Variants in TBC1D5 observed in about 807,000 individuals in gnomAD.
TBC1D5 encodes TBC1 domain family, member 5.
In TBC1D5, 75 loss-of-function variants were observed where a neutral mutation model predicts 100.3. The ratio of observed to expected loss-of-function variants is 0.75; its 90% confidence interval spans 0.62 to 0.91. The LOEUF is 0.91. Among genes scored for constraint, TBC1D5 ranks in the 40% least tolerant of loss-of-function variants. TBC1D5 has a pLI of 0.00. For synonymous variants in TBC1D5, 323 were observed against 325.6 expected, an observed-to-expected ratio of 0.99 and a Z score of 0.09; for missense variants, 910 against 942.4, an observed-to-expected ratio of 0.97 and a Z score of 0.45.
At chr3:17,320,588 C>G (rs1255528459) in intron 13 of TBC1D5, among the ~76,000 whole-genome samples, 1 of 152,174 alleles carries the variant, frequency 6.6e-6, no homozygotes. Context: ...TTTACCAAAA[C>G]TTTTCTTCAT....
chr3:17,480,953 T>C (rs965082932), intron 3 of TBC1D5, among the ~76,000 whole-genome samples: 10 of 152,196 alleles, frequency 6.6e-5, no homozygotes, highest in Non-Finnish European at 1.3e-4. Flanking sequence ...ACAAATGGCT[T>C]GAAACATGCT....
At chr3:17,643,733 T>C (rs541813568) in intron 1 of TBC1D5, among the ~76,000 whole-genome samples, 1 of 152,258 alleles carries the variant, frequency 6.6e-6, no homozygotes, top group Non-Finnish European at 1.5e-5. Context: ...TGTCTAGCAG[T>C]TCCTTTTGGA....
Position 17,408,542 on chromosome 3 carries a change from T to A in TBC1D5, c.168-2016A>T, listed in dbSNP as rs561405529. On this transcript the variant is annotated intron_variant, in intron 4 of 21. Transcript: ENST00000253692. ...TATTCCTATGTTGCCCAGATTGGTCTACAAAGGGCCTCAGTTGATTCTCCC... is the reference window on the plus strand; with the variant it reads ...TATTCCTATGTTGCCCAGATTGGTCAACAAAGGGCCTCAGTTGATTCTCCC... 4.6e-5 allele frequency among the ~76,000 whole-genome samples: 7 copies of A among 152,180 alleles called. No homozygotes were observed. In the East Asian group the frequency reaches 1.4e-3, roughly 29 times the overall value.
intron 2 of TBC1D5, among the ~76,000 whole-genome samples, chr3:17,517,677 T>C (rs944452326): frequency 6.6e-6 from 1 of 152,208 alleles, no homozygotes; most frequent in African/African-American, 2.4e-5. Context: ...TGGTTTATAT[T>C]TGACATAAAG....
chr3:17,346,063 G>A (rs942426002), intron 13 of TBC1D5, among the ~76,000 whole-genome samples: 3 of 152,078 alleles, frequency 2.0e-5, no homozygotes, highest in African/African-American at 4.8e-5. Flanking sequence ...AAAACTTAAA[G>A]TATAATAATA....
At chr3:17,379,874 TTCTCTCTC>T (rs201405856) in intron 9 of TBC1D5, among the ~76,000 whole-genome samples, 5 of 150,804 alleles carry the variant, frequency 3.3e-5, no homozygotes, top group Non-Finnish European at 7.4e-5. Context: ...TGATTGTGGT[TTCTCTCTC>T]TCTCTCTCTC....
chr3:17,734,925 C>CA (rs34091810), intron 1 of TBC1D5, among the ~76,000 whole-genome samples: 83,428 of 145,650 alleles, frequency 0.57, 24,014 homozygotes, highest in East Asian at 0.95. Flanking sequence ...GTCTCTACGA[C>CA]AAAAAAAAAA....
intron 3 of TBC1D5, among the ~76,000 whole-genome samples, chr3:17,440,952 G>A (rs117353349): frequency 5.9e-5 from 9 of 152,082 alleles, no homozygotes; most frequent in African/African-American, 1.7e-4. Context: ...AAAAAGATTC[G>A]TTTTTAAGTG....
At chr3:17,607,637 A>C (rs561307322) in intron 2 of TBC1D5, among the ~76,000 whole-genome samples, 2 of 152,208 alleles carry the variant, frequency 1.3e-5, no homozygotes, top group East Asian at 1.9e-4. Context: ...ACTTCTGAAG[A>C]GATGCAATTC....
In TBC1D5 at chr3:17,609,979, G is replaced by T. The variant is rs545890669; in HGVS notation, c.-36+13870C>A. Among the ~76,000 whole-genome samples the T allele has an allele frequency of 2.0e-5, 3 of 152,232 alleles. No homozygotes were observed. The South Asian group carries it at 6.2e-4, about 32-fold the overall frequency. ...ACCTTTACTCTACATATGTCATCTT[G>T]TGGGGAAATCTTGTGAGTCTTCAGT... On this transcript the variant is annotated intron_variant, in intron 2 of 21. Transcript: ENST00000253692.
chr3:17,372,941 AT>A, intron 12 of TBC1D5, among the ~76,000 whole-genome samples: 1 of 152,290 alleles, frequency 6.6e-6, no homozygotes, highest in South Asian at 2.1e-4. Context: ...GAGAGTAAAT[AT>A]TTTAGGCTTT....
chr3:17,271,986 G>C (rs1053755443), intron 15 of TBC1D5, among the ~76,000 whole-genome samples: 2 of 152,156 alleles, frequency 1.3e-5, no homozygotes, highest in African/African-American at 4.8e-5. Context: ...AGAGAAAAGG[G>C]AAATATCACC....
Position 17,466,041 on chromosome 3 carries a change from T to C in TBC1D5, c.98-37522A>G, listed in dbSNP as rs565160830. ...GGACAACTGGTGGCACTTTCCACATTTTCCTGTTACAGGGATCCCTGCCAT... is the reference window on the plus strand; with the variant it reads ...GGACAACTGGTGGCACTTTCCACATCTTCCTGTTACAGGGATCCCTGCCAT... On this transcript the variant is annotated intron_variant, in intron 3 of 21. Transcript: ENST00000253692. Among the ~76,000 whole-genome samples the C allele has an allele frequency of 9.2e-5, 14 of 152,342 alleles. No homozygotes were observed. In the East Asian group the frequency reaches 2.5e-3, roughly 27 times the overall value.
intron 17 of TBC1D5, among the ~76,000 whole-genome samples, chr3:17,235,117 G>C (rs1200055652): frequency 6.6e-6 from 1 of 152,100 alleles, no homozygotes; most frequent in Non-Finnish European, 1.5e-5. Context: ...AATGTATAGA[G>C]ACTGACAACT....
chr3:17,270,819 A>G (rs2079332730), intron 15 of TBC1D5, among the ~76,000 whole-genome samples: 1 of 152,160 alleles, frequency 6.6e-6, no homozygotes, highest in Non-Finnish European at 1.5e-5. Flanking sequence ...GTCCAGTTTC[A>G]TTCTTCTGCA....
intron 3 of TBC1D5, among the ~76,000 whole-genome samples, chr3:17,490,227 T>G (rs1219893703): frequency 2.6e-5 from 4 of 152,332 alleles, no homozygotes; most frequent in Non-Finnish European, 4.4e-5. Context: ...AAGTTCCTTA[T>G]AGACTCTAGA....
intron 4 of TBC1D5, among the ~76,000 whole-genome samples, chr3:17,427,968 AG>A (rs2094372199): frequency 6.6e-6 from 1 of 151,928 alleles, no homozygotes; most frequent in African/African-American, 2.4e-5. Flanking sequence ...GAGAAGTAAT[AG>A]CCCTGTTTGC....
rs140585262 is a variant in TBC1D5 at position 17,283,825 on chromosome 3, A to T, written c.1245+8070T>A. 3.2e-3 allele frequency among the ~76,000 whole-genome samples: 481 copies of T among 152,136 alleles called. 2 individuals carry two copies. Among genetic ancestry groups the T allele is most frequent in the South Asian group, 0.018 (87 of 4,812 alleles). On this transcript the variant is annotated intron_variant, in intron 15 of 21. Coordinates refer to ENST00000253692, the Ensembl canonical transcript of TBC1D5. ...ATAGCAAGCCCTCCCTAGCTCATCA[A>T]CCACTCTCAGGCACGTTCCCCTGGT...
intron 3 of TBC1D5, among the ~76,000 whole-genome samples, chr3:17,463,845 C>T (rs559433317): frequency 1.3e-5 from 2 of 151,632 alleles, no homozygotes; most frequent in South Asian, 4.2e-4. Flanking sequence ...CTGCTAATTT[C>T]ATGCAATCGT....
Sources: gnomAD v4.1 joint callset for allele counts (sites outside exome capture counted in the v4.1 genomes callset) on GRCh38, gnomAD v4.1.1 for gene constraint, MANE v1.5 for transcripts, NCBI Gene and HGNC (gene_info 2026-07-23, HGNC 2026-07-21) for gene names.